Variants in AFF2 observed in about 807,000 individuals in gnomAD.
AFF2 encodes ALF transcription elongation factor 2.
A neutral mutation model predicts 76.9 loss-of-function variants in AFF2; 14 were observed. That is an observed-to-expected ratio of 0.18 (90% CI 0.12 to 0.28). AFF2 has a LOEUF of 0.28. Among genes scored for constraint, AFF2 ranks in the 10% least tolerant of loss-of-function variants. The pLI, the probability that AFF2 is intolerant of heterozygous loss-of-function variation, is 1.00. For synonymous variants in AFF2, 398 were observed against 366.7 expected (o/e 1.09, Z -0.98); for missense variants, 868 against 1,001.1 (o/e 0.87, Z 1.79).
chrX:148,855,052 C>G (rs1557275780), intron 7 of AFF2, among the ~76,000 whole-genome samples: 1 of 111,627 alleles, frequency 9.0e-6, no homozygotes, highest in East Asian at 2.8e-4. Flanking sequence ...TTGCACAAAA[C>G]AGATATCAAA....
chrX:148,987,348 G>C lies in AFF2; in HGVS notation c.3624-19G>C. 8.4e-7 allele frequency: 1 copy of C among 1,195,708 alleles called. No homozygotes were observed. Among genetic ancestry groups the C allele is most frequent in the East Asian group, 3.0e-5 (1 of 33,633 alleles). ...CTTTCCTACCAGCCTAACAAGGCTT[G>C]TCTCTTTCCATTTCCCAGGAACACT... On this transcript the variant is annotated intron_variant, in intron 19 of 20. Coordinates refer to ENST00000370460, the MANE Select transcript of AFF2 (RefSeq NM_002025.4).
chrX:148,865,107 G>A (rs1473857235), intron 7 of AFF2, among the ~76,000 whole-genome samples: 1 of 112,370 alleles, frequency 8.9e-6, no homozygotes, highest in African/African-American at 3.2e-5. Flanking sequence ...AACTTTATTA[G>A]AGAACTGAAG....
At chrX:148,974,284 A>G (rs2072294475) in intron 16 of AFF2, among the ~76,000 whole-genome samples, 1 of 111,285 alleles carries the variant, frequency 9.0e-6, no homozygotes, top group African/African-American at 3.3e-5. Flanking sequence ...AAGAGGTAGA[A>G]GAAGAAATAA....
At chrX:148,777,018 G>A (rs1355729863) in intron 3 of AFF2, among the ~76,000 whole-genome samples, 3 of 111,941 alleles carry the variant, frequency 2.7e-5, no homozygotes, top group African/African-American at 9.8e-5. Flanking sequence ...AATCCATCTT[G>A]AGTTGATTTT....
chrX:148,793,814 A>G (rs943038886), intron 3 of AFF2, among the ~76,000 whole-genome samples: 36 of 111,413 alleles, frequency 3.2e-4, no homozygotes, highest in African/African-American at 1.2e-3. Flanking sequence ...TTAAAATGGG[A>G]CAGAAGGTAG....
intron 4 of AFF2, among the ~76,000 whole-genome samples, chrX:148,825,920 G>T (rs1177099424): frequency 2.7e-5 from 3 of 109,953 alleles, no homozygotes; most frequent in Admixed American, 2.0e-4. Flanking sequence ...ACAAGTAACA[G>T]TTGGAATCCC....
At position 148,995,487 on chromosome X, in the gene AFF2, G is replaced by GGGT. The variant is rs1338432365; in HGVS notation, c.*4157_*4158insTGG. 176 of 93,854 alleles carry GGGT rather than the reference G, an allele frequency of 1.9e-3. No homozygotes were observed. Among genetic ancestry groups the GGGT allele is most frequent in the African/African-American group, 6.9e-3 (170 of 24,501 alleles). 7.7% of individuals were successfully genotyped at this position (93,854 alleles called of 1,213,427 possible). A position where few individuals can be genotyped will look rare whatever the true frequency, so the allele number is the denominator to read the frequency against. On this transcript the variant is annotated 3_prime_UTR_variant, in exon 21 of 21. Transcript: ENST00000370460. The stretch of plus-strand genomic sequence containing the variant: ...GAGGGCAGAAAGGGGGTGGGGGTGG[G>GGGT]GGCGGGGGGGTGGGGGGTGGGGAAG...
intron 1 of AFF2, among the ~76,000 whole-genome samples, chrX:148,628,572 CAAAA>C (rs782227745): frequency 3.0e-5 from 2 of 66,468 alleles, no homozygotes; most frequent in Admixed American, 1.7e-4. Flanking sequence ...GGTAGGTAAC[CAAAA>C]AAAAAAAAAA....
intron 1 of AFF2, among the ~76,000 whole-genome samples, chrX:148,574,943 GGTGTGTGTGTGTGTGTGT>G (rs781819721): frequency 7.3e-5 from 7 of 95,645 alleles, no homozygotes; most frequent in Non-Finnish European, 1.5e-4. Flanking sequence ...ATAGTGCTGG[GGTGTGTGTGTGTGTGTGT>G]GTGTGTGTGT....
intron 7 of AFF2, among the ~76,000 whole-genome samples, chrX:148,857,168 G>GT (rs2124035325): frequency 8.9e-6 from 1 of 112,127 alleles, no homozygotes; most frequent in African/African-American, 3.2e-5. Context: ...GTGCATAGTT[G>GT]TAACAGTGGC....
chrX:148,601,798 TC>T (rs1302143311), intron 1 of AFF2, among the ~76,000 whole-genome samples: 1 of 112,050 alleles, frequency 8.9e-6, no homozygotes, highest in Non-Finnish European at 1.9e-5. Flanking sequence ...TATGCCTCTT[TC>T]TGCAAACAGC....
chrX:148,586,564 A>G (rs1343648560), intron 1 of AFF2, among the ~76,000 whole-genome samples: 1 of 111,982 alleles, frequency 8.9e-6, no homozygotes, highest in African/African-American at 3.3e-5. Context: ...AAATTAAGCA[A>G]ATATATACCC....
chrX:148,608,012 A>T (rs915212208), intron 1 of AFF2, among the ~76,000 whole-genome samples: 8 of 112,149 alleles, frequency 7.1e-5, no homozygotes, highest in Non-Finnish European at 1.5e-4. Flanking sequence ...GGAATATTTA[A>T]TATACCATGC....
chrX:148,853,271 T>C (rs1394008552), intron 7 of AFF2, among the ~76,000 whole-genome samples: 2 of 111,383 alleles, frequency 1.8e-5, no homozygotes, highest in African/African-American at 6.5e-5. Context: ...ATCTTTTAGA[T>C]TTGGTCTTCA....
chrX:148,965,998 T>C (rs1389580049), intron 13 of AFF2, among the ~76,000 whole-genome samples: 1 of 111,243 alleles, frequency 9.0e-6, no homozygotes, highest in Non-Finnish European at 1.9e-5. Flanking sequence ...GGTAGTCTTG[T>C]GATGCCACAC....
intron 9 of AFF2, among the ~76,000 whole-genome samples, chrX:148,907,625 A>G (rs1165683200): frequency 9.0e-6 from 1 of 111,565 alleles, no homozygotes; most frequent in Non-Finnish European, 1.9e-5. Flanking sequence ...GTACGAATAG[A>G]GTGTGGGTGA....
At chrX:148,770,953 C>T (rs1249678982) in intron 3 of AFF2, among the ~76,000 whole-genome samples, 2 of 111,898 alleles carry the variant, frequency 1.8e-5, no homozygotes, top group Non-Finnish European at 3.8e-5. Flanking sequence ...AAATGTGGCT[C>T]ACTGTGCCTC....
rs1228346852 is a variant in AFF2, at chrX:148,998,887, T to C, written c.*7555T>C. ...CTCTCTCTCTCTCTCCTCTATTCTT[T>C]CCTCCTTCCCTCTGTCCATCACCCC... is the stretch of plus-strand genomic sequence containing the variant. On this transcript the variant is annotated 3_prime_UTR_variant, in exon 21 of 21. Coordinates refer to ENST00000370460, the MANE Select transcript of AFF2 (RefSeq NM_002025.4). 2.7e-5 allele frequency: 3 copies of C among 109,515 alleles called. No individual in the cohort carries two copies. Among genetic ancestry groups the C allele is most frequent in the Non-Finnish European group, 5.7e-5 (3 of 52,543 alleles). The allele number at this position is 109,515 out of a possible 1,213,427, so 9.0% of individuals were successfully genotyped here. A position where few individuals can be genotyped will look rare whatever the true frequency, so the allele number is the denominator to read the frequency against.
At position 148,993,098 on chromosome X, in the gene AFF2, A is replaced by G. The variant is rs943786016; in HGVS notation, c.*1766A>G. 24 of 112,672 alleles carry G rather than the reference A, an allele frequency of 2.1e-4. No homozygotes were observed. Among genetic ancestry groups the G allele is most frequent in the African/African-American group, 7.8e-4 (24 of 30,915 alleles). The allele number at this position is 112,672 out of a possible 1,213,427, so 9.3% of individuals were successfully genotyped here. A position where few individuals can be genotyped will look rare whatever the true frequency, so the allele number is the denominator to read the frequency against. The stretch of plus-strand genomic sequence containing the variant: ...GCCAGACTTGAGCTGTGCTCTGGTC[A>G]TCTTTGAGTTTAAGGCCTTTTGTTG... On this transcript the variant is annotated 3_prime_UTR_variant, in exon 21 of 21. Coordinates refer to ENST00000370460, the MANE Select transcript of AFF2 (RefSeq NM_002025.4).
Sources: allele counts gnomAD v4.1 joint callset (sites outside exome capture counted in the v4.1 genomes callset), GRCh38; gene constraint gnomAD v4.1.1; transcripts MANE v1.5; gene names NCBI Gene and HGNC (gene_info 2026-07-23, HGNC 2026-07-21).